The following KDM6B variants were observed in gnomAD, a reference collection of about 807,000 sequenced individuals.
KDM6B encodes lysine demethylase 6B.
A neutral mutation model predicts 150.4 loss-of-function variants in KDM6B; 22 were observed. The observed-to-expected ratio is 0.15, with a 90% CI of 0.10 to 0.21. KDM6B has a LOEUF of 0.21. KDM6B is among the 10% of genes least tolerant of loss of function. The pLI is 1.00. For missense variants in KDM6B, 1,984 were observed against 2,234.3 expected, an observed-to-expected ratio of 0.89 and a Z score of 2.26; for synonymous variants, 1,148 against 921.1, an observed-to-expected ratio of 1.25 and a Z score of -4.46.
rs777978818 is a variant in KDM6B, at chr17:7,851,196, C to T, written c.3849C>T (p.Tyr1283=). The T allele has an allele frequency of 1.2e-6, 2 of 1,614,032 alleles. No individual in the cohort carries two copies. Among genetic ancestry groups the T allele is most frequent in the Non-Finnish European group, 8.5e-7 (1 of 1,180,044 alleles). The stretch of plus-strand genomic sequence containing the variant: ...CCACCATTGCCAAGTACGCACAGTA[C>T]CAGGCCTCATCCTTCCAGGAGTCTC... ...SHTTIAKYAQ[Y]QASSFQESLQ... The change falls in exon 15 of 24, where the codon TAC becomes TAT. Residue 1283 remains tyrosine, a synonymous_variant. Transcript: ENST00000448097.
Position 7,849,510 on chromosome 17 carries a change from T to C in KDM6B, c.3222T>C (p.Ala1074=). 1 of 1,612,744 alleles carries C rather than the reference T, an allele frequency of 6.2e-7. No homozygotes were observed. The highest frequency in any genetic ancestry group is 8.5e-7 in the Non-Finnish European group (1 of 1,179,920). Residue 1074 remains alanine (A), a synonymous_variant, in exon 12 of 24, where the codon GCT becomes GCC. Transcript: ENST00000448097. ...CAGCCTCTGTCCCTGGAAAGAAGGC[T>C]CGGGAGGAAGCCCCAGGGCCACCGG... The part of the protein sequence containing the change: ...PPSASVPGKK[A]REEAPGPPGV...
intron 1 of KDM6B, among the ~76,000 whole-genome samples, chr17:7,837,790 C>G (rs2078353698): frequency 6.6e-6 from 1 of 152,140 alleles, no homozygotes; most frequent in African/African-American, 2.4e-5. Context: ...TTATGAAATA[C>G]TTTTATTATT....
chr17:7,835,337 G>A (rs1281919706), intron 1 of KDM6B, among the ~76,000 whole-genome samples: 2 of 152,070 alleles, frequency 1.3e-5, no homozygotes, highest in Non-Finnish European at 2.9e-5. Context: ...ACAGCGGAGG[G>A]CCTGAAGACT....
Position 7,850,062 on chromosome 17 carries a change from C to T in KDM6B, c.3568-10C>T. 1 of 1,613,538 alleles carries T rather than the reference C, an allele frequency of 6.2e-7. No individual in the cohort carries two copies. The highest frequency in any genetic ancestry group is 8.5e-7 in the Non-Finnish European group (1 of 1,179,772). On this transcript the variant is annotated splice_polypyrimidine_tract_variant and intron_variant, in intron 13 of 23. Transcript: ENST00000448097. ...GGGCTCTGACCCCAGCTCTCCTGGT[C>T]ATGTCTCAGCTGGAGAGCAAACGGG... is the stretch of plus-strand genomic sequence containing the variant.
In KDM6B at chr17:7,846,150, G is replaced by C; in HGVS notation, c.309G>C (p.Glu103Asp). Residue 103 changes from glutamate to aspartate, a missense_variant, in exon 7 of 24, where the codon GAG becomes GAC. Coordinates refer to ENST00000448097, the MANE Select transcript of KDM6B (RefSeq NM_001348716.2). ...GCTGTGTGCAGGCATTGCTCCGGGAGCCAGCCCAGCCAGGGCTTTGGGAAC... is the reference window on the plus strand; with the variant it reads ...GCTGTGTGCAGGCATTGCTCCGGGACCCAGCCCAGCCAGGGCTTTGGGAAC... The part of the protein sequence containing the change: ...LHGCVQALLR[E>D]PAQPGLWEQL... 6.2e-7 allele frequency: 1 copy of C among 1,613,928 alleles called. No homozygotes were observed. Among genetic ancestry groups the C allele is most frequent in the East Asian group, 2.2e-5 (1 of 44,858 alleles).
In KDM6B at chr17:7,843,118, G is replaced by A. The variant is rs2078451717; in HGVS notation, c.-268-1783G>A. 6.6e-6 allele frequency among the ~76,000 whole-genome samples: 1 copy of A among 152,160 alleles called. No homozygotes were observed. Among genetic ancestry groups the A allele is most frequent in the African/African-American group, 2.4e-5 (1 of 41,422 alleles). ...GTGGGAAAGGGGAAGTGGCAGAGGG[G>A]AAGTGTCATCATCGCCGAAGGGGAA... is the stretch of plus-strand genomic sequence containing the variant. On this transcript the variant is annotated intron_variant, in intron 2 of 23. Transcript: ENST00000448097. This position sits in a 1 kb window ranked among gnomAD's most constrained non-coding sequence, Gnocchi z 4.5.
At position 7,848,847 on chromosome 17, in the gene KDM6B, G is replaced by A. The variant is rs761880595; in HGVS notation, c.2559G>A (p.Ala853=). 1.2e-5 allele frequency: 20 copies of A among 1,611,620 alleles called. No homozygotes were observed. In the South Asian group the frequency reaches 1.3e-4, roughly 11 times the overall value. ...CTACCGCCCTGCCGCCCACCTCAGC[G>A]GCCCCTAGCGCCCAGGGCTCCCCAC... ...SGATALPPTS[A]APSAQGSPQP... is the part of the protein sequence containing the mutation. Residue 853 remains alanine (A), a synonymous_variant, in exon 12 of 24, where the codon GCG becomes GCA. Transcript: ENST00000448097.
At chr17:7,834,503 C>A (rs2078291184) in intron 1 of KDM6B, among the ~76,000 whole-genome samples, 153 bp downstream of exon 1, 3 of 152,014 alleles carry the variant, frequency 2.0e-5, no homozygotes, top group Non-Finnish European at 2.9e-5. Context: ...GGTCATGGGT[C>A]CCCTAGAAGA....
rs1033109228 is a variant in KDM6B, at chr17:7,834,311, C to G, written c.-427C>G. Reference sequence around the variant, plus strand: ...GGGGCCGCTCGACCCCCTGGGATACCTTGGGGAGCCTGAACACCTGGGACC... The same window carrying G: ...GGGGCCGCTCGACCCCCTGGGATACGTTGGGGAGCCTGAACACCTGGGACC... On this transcript the variant is annotated 5_prime_UTR_variant, in exon 1 of 24. Transcript: ENST00000448097. Among the ~76,000 whole-genome samples, 1 of 151,834 alleles carries G rather than the reference C, an allele frequency of 6.6e-6. No individual in the cohort carries two copies. Among genetic ancestry groups the G allele is most frequent in the Non-Finnish European group, 1.5e-5 (1 of 67,914 alleles).
chr17:7,847,818 A>ACCCCCCC lies in KDM6B; in HGVS notation c.1531_1537dup (p.Arg513ProfsTer44). 9 of 1,416,456 alleles carry ACCCCCCC rather than the reference A, an allele frequency of 6.4e-6. No homozygotes were observed. Among genetic ancestry groups the ACCCCCCC allele is most frequent in the Non-Finnish European group, 8.5e-6 (9 of 1,061,008 alleles). The allele number at this position is 1,416,456 out of a possible 1,614,324, so 87.7% of individuals were successfully genotyped here. A position where few individuals can be genotyped will look rare whatever the true frequency, so the allele number is the denominator to read the frequency against. On this transcript the variant is annotated frameshift_variant, in exon 12 of 24. Coordinates refer to ENST00000448097, the MANE Select transcript of KDM6B (RefSeq NM_001348716.2). LOFTEE classifies it high-confidence loss of function. ...AAGAGCTCTTCTTTGGGACTGAGGG[A>ACCCCCCC]CCCCCCCGCCCTGCCCCACCACCCC...
Position 7,854,250 on chromosome 17 carries a change from C to G in KDM6B, c.*729C>G, listed in dbSNP as rs2078766135. The G allele has an allele frequency of 6.6e-6, 1 of 152,624 alleles. No individual in the cohort carries two copies. The highest frequency in any genetic ancestry group is 6.5e-5 in the Admixed American group (1 of 15,286). 9.5% of individuals were successfully genotyped at this position (152,624 alleles called of 1,614,324 possible). A position where few individuals can be genotyped will look rare whatever the true frequency, so the allele number is the denominator to read the frequency against. ...CGTCTCCACCCGTCCGCCCGCGGCT[C>G]CAGCCGGGTTCTCATGGTGCTCAAA... On this transcript the variant is annotated 3_prime_UTR_variant, in exon 24 of 24. Coordinates refer to ENST00000448097, the MANE Select transcript of KDM6B (RefSeq NM_001348716.2).
intron 1 of KDM6B, among the ~76,000 whole-genome samples, chr17:7,834,680 A>AGGGCAGAGTTTGC (rs1350670859): frequency 4.0e-5 from 6 of 150,696 alleles, no homozygotes; most frequent in African/African-American, 1.5e-4. Flanking sequence ...GCAGGACTAA[A>AGGGCAGAGTTTGC]GGGCAGAGTT....
rs2078762971 is a variant in KDM6B at position 7,854,150 on chromosome 17, C to CCTGCCCGCCCCTCCAGGGA, written c.*631_*649dup. 6.6e-6 allele frequency: 1 copy of CCTGCCCGCCCCTCCAGGGA among 152,388 alleles called. No individual in the cohort carries two copies. Among genetic ancestry groups the CCTGCCCGCCCCTCCAGGGA allele is most frequent in the Non-Finnish European group, 1.5e-5 (1 of 68,018 alleles). 9.4% of individuals were successfully genotyped at this position (152,388 alleles called of 1,614,324 possible). A position where few individuals can be genotyped will look rare whatever the true frequency, so the allele number is the denominator to read the frequency against. On this transcript the variant is annotated 3_prime_UTR_variant, in exon 24 of 24. Transcript: ENST00000448097. ...CCGACCTCCCACACCCCCAAGCCAT[C>CCTGCCCGCCCCTCCAGGGA]CTGCCCGCCCCTCCAGGGACCGCCC...
At chr17:7,845,089 C>T (rs551967332) in intron 3 of KDM6B, 69 bp downstream of exon 3, 5 of 243,266 alleles carry the variant, frequency 2.1e-5, no homozygotes, top group South Asian at 1.8e-4. Flanking sequence ...GCAGCCACCC[C>T]GTCCCTCTGA....
At chr17:7,836,094 C>T (rs981800338) in intron 1 of KDM6B, among the ~76,000 whole-genome samples, 2 of 152,218 alleles carry the variant, frequency 1.3e-5, no homozygotes, top group African/African-American at 4.8e-5. Flanking sequence ...CGGGTACCAG[C>T]GCCCCTTCCC....
intron 2 of KDM6B, chr17:7,840,380 C>G (rs2078395951): frequency 6.6e-6 from 1 of 152,156 alleles, no homozygotes; most frequent in Non-Finnish European, 1.5e-5. Context: ...GGTAGGGAAA[C>G]AGCTTTGTCC....
At chr17:7,846,519 G>T in intron 8 of KDM6B, 27 bp downstream of exon 8, 2 of 1,614,038 alleles carry the variant, frequency 1.2e-6, no homozygotes, top group Non-Finnish European at 8.5e-7. Context: ...GTGGGTTAGG[G>T]AGGAGAGCCA....
chr17:7,836,034 C>G (rs969519286), intron 1 of KDM6B, among the ~76,000 whole-genome samples: 3 of 152,238 alleles, frequency 2.0e-5, no homozygotes, highest in African/African-American at 7.2e-5. Flanking sequence ...TCTGCTCGGC[C>G]GCTGCCTTCC....
chr17:7,848,347 G>A lies in KDM6B; in HGVS notation c.2059G>A (p.Glu687Lys). 1 of 1,612,810 alleles carries A rather than the reference G, an allele frequency of 6.2e-7. No homozygotes were observed. The highest frequency in any genetic ancestry group is 8.5e-7 in the Non-Finnish European group (1 of 1,179,990). The part of the protein sequence containing the change: ...PLEDQFEEPA[E>K]FKILPDGLAN... ...GGAGGACCAGTTTGAGGAGCCAGCC[G>A]AATTCAAGATCCTACCTGATGGGCT... The change falls in exon 12 of 24, where the codon GAA becomes AAA. Residue 687 changes from glutamate to lysine, a missense_variant. Coordinates refer to ENST00000448097, the MANE Select transcript of KDM6B (RefSeq NM_001348716.2).
Sources: gnomAD v4.1 joint callset for allele counts (sites outside exome capture counted in the v4.1 genomes callset) on GRCh38, gnomAD v4.1.1 for gene constraint, Gnocchi (gnomAD v3.1) non-coding constraint, MANE v1.5 for transcripts, NCBI Gene and HGNC (gene_info 2026-07-23, HGNC 2026-07-21) for gene names.